PUS10: variants seen among roughly 807,000 people sequenced by gnomAD.
PUS10 encodes pseudouridine synthase 10, also known as tRNA pseudouridine synthase Pus10.
PUS10 carries 59 observed loss-of-function variants against 75.0 expected under a neutral mutation model. The ratio of observed to expected loss-of-function variants is 0.79; its 90% CI spans 0.64 to 0.98. The LOEUF (loss-of-function observed/expected upper bound fraction) is 0.98. Among genes scored for constraint, PUS10 ranks in the 50% least tolerant of loss-of-function variants. The probability of loss-of-function intolerance (pLI) is 0.00; values close to 1 mark genes in which losing one functional copy is unlikely to be tolerated. For synonymous variants in PUS10, 219 were observed against 211.6 expected (o/e 1.03, Z -0.30); for missense variants, 650 against 614.4 (o/e 1.06, Z -0.61).
chr2:60,983,354 T>C (rs753819380), intron 4 of PUS10, among the ~76,000 whole-genome samples: 10 of 152,156 alleles, frequency 6.6e-5, no homozygotes, highest in Admixed American at 1.3e-4. Flanking sequence ...TAACACAACA[T>C]ACTATACTTG....
At chr2:60,964,973 T>A in intron 8 of PUS10, 85 bp downstream of exon 8, 1 of 1,112,230 alleles carries the variant, frequency 9.0e-7, no homozygotes, top group Non-Finnish European at 1.4e-6. Context: ...GCCATGTTTC[T>A]GATGCATATC....
At chr2:61,001,917 AT>A (rs1678882172) in intron 4 of PUS10, among the ~76,000 whole-genome samples, 1 of 152,002 alleles carries the variant, frequency 6.6e-6, no homozygotes, top group Non-Finnish European at 1.5e-5. Context: ...ATCCTATGCC[AT>A]TTTTCTTTGC....
chr2:61,014,940 T>C (rs1356279087), intron 1 of PUS10, among the ~76,000 whole-genome samples: 1 of 152,164 alleles, frequency 6.6e-6, no homozygotes, highest in Non-Finnish European at 1.5e-5. Flanking sequence ...GGCATATAGT[T>C]ACATAGAACT....
intron 14 of PUS10, 152 bp from the exon 15 acceptor site, chr2:60,953,266 G>A (rs1217541914): frequency 1.6e-6 from 1 of 617,474 alleles, no homozygotes; most frequent in Non-Finnish European, 2.9e-6. Context: ...TCAGAGTTGT[G>A]CAGCTATTAC....
intron 4 of PUS10, among the ~76,000 whole-genome samples, chr2:60,999,424 T>C (rs1010389997): frequency 1.3e-5 from 2 of 152,024 alleles, no homozygotes; most frequent in Non-Finnish European, 2.9e-5. Flanking sequence ...AGACCAGCCT[T>C]GGCAACATAG....
intron 4 of PUS10, among the ~76,000 whole-genome samples, chr2:60,996,798 T>A (rs1055600899): frequency 6.6e-6 from 1 of 152,184 alleles, no homozygotes; most frequent in Non-Finnish European, 1.5e-5. Context: ...ATAGCATATC[T>A]TCTTTCCAAT....
chr2:60,962,618 C>T (rs966782382), intron 9 of PUS10, among the ~76,000 whole-genome samples: 8 of 151,758 alleles, frequency 5.3e-5, no homozygotes, highest in East Asian at 3.9e-4. Context: ...AAAAAAAAGA[C>T]GTTAGACTTG....
chr2:61,012,930 C>G (rs957117243), intron 1 of PUS10, among the ~76,000 whole-genome samples: 13 of 140,556 alleles, frequency 9.2e-5, no homozygotes, highest in African/African-American at 3.4e-4. Context: ...TTCCCTCCAC[C>G]TTTCTGAGTA....
At chr2:60,976,611 G>C (rs943882890) in intron 4 of PUS10, among the ~76,000 whole-genome samples, 1 of 152,354 alleles carries the variant, frequency 6.6e-6, no homozygotes, top group East Asian at 1.9e-4. Flanking sequence ...TTTAGTATCT[G>C]AGACTTGTTA....
chr2:60,956,974 C>CAAAAAA (rs56804354), intron 11 of PUS10, among the ~76,000 whole-genome samples: 7 of 19,244 alleles, frequency 3.6e-4, no homozygotes, highest in Admixed American at 9.1e-4. Flanking sequence ...GACTCCATCT[C>CAAAAAA]AAAAAAAAAA....
intron 4 of PUS10, among the ~76,000 whole-genome samples, chr2:60,989,924 C>T (rs1481885288): frequency 2.6e-5 from 4 of 152,280 alleles, no homozygotes; most frequent in Non-Finnish European, 5.9e-5. Context: ...CACGCCCAGG[C>T]TCAACTGCTT....
At chr2:60,988,639 G>A (rs528521392) in intron 4 of PUS10, among the ~76,000 whole-genome samples, 1 of 151,990 alleles carries the variant, frequency 6.6e-6, no homozygotes, top group South Asian at 2.1e-4. Context: ...TGCGGTTTTT[G>A]TTTGTTTGTT....
At chr2:61,017,609 T>C in intron 1 of PUS10, 1 of 597,790 alleles carries the variant, frequency 1.7e-6, no homozygotes, top group Non-Finnish European at 3.0e-6. Flanking sequence ...TGGATTCAGC[T>C]GGCAAAGTAA....
At chr2:60,955,599 G>A (rs1269692918) in intron 11 of PUS10, among the ~76,000 whole-genome samples, 1 of 152,122 alleles carries the variant, frequency 6.6e-6, no homozygotes, top group East Asian at 1.9e-4. Flanking sequence ...AAAGCACCGG[G>A]ATTATAGGTG....
chr2:61,009,562 A>T (rs894496287), intron 2 of PUS10, among the ~76,000 whole-genome samples: 1 of 152,224 alleles, frequency 6.6e-6, no homozygotes, highest in South Asian at 2.1e-4. Flanking sequence ...CAATGCTGAA[A>T]GTTAGCATAT....
At chr2:61,003,532 C>T (rs991097642) in intron 4 of PUS10, among the ~76,000 whole-genome samples, 1 of 150,296 alleles carries the variant, frequency 6.7e-6, no homozygotes, top group African/African-American at 2.4e-5. Context: ...TGCGTTAATG[C>T]AAATTTTATT....
intron 4 of PUS10, 100 bp downstream of exon 4, chr2:61,006,457 A>T: frequency 1.1e-6 from 1 of 876,704 alleles, no homozygotes; most frequent in Non-Finnish European, 1.8e-6. Flanking sequence ...GACAAAATGT[A>T]AAAAATATAA....
At chr2:60,953,872 G>T in intron 14 of PUS10, 61 bp downstream of exon 14, 1 of 1,263,334 alleles carries the variant, frequency 7.9e-7, no homozygotes, top group Non-Finnish European at 1.2e-6. Context: ...CCCTTATCAA[G>T]ATATGTGACC....
chr2:61,013,702 C>A (rs1019993467), intron 1 of PUS10, among the ~76,000 whole-genome samples: 3 of 152,202 alleles, frequency 2.0e-5, no homozygotes, highest in Admixed American at 2.0e-4. Context: ...CTGGACTACC[C>A]TTAATGATAG....
Sources: gnomAD v4.1 joint callset for allele counts (sites outside exome capture counted in the v4.1 genomes callset) on GRCh38, gnomAD v4.1.1 for gene constraint, MANE v1.5 for transcripts, NCBI Gene and HGNC (gene_info 2026-07-23, HGNC 2026-07-21) for gene names.